Variants in NMT1 observed in about 807,000 individuals in gnomAD.
NMT1 encodes glycylpeptide N-tetradecanoyltransferase 1.
NMT1 carries 12 observed loss-of-function variants against 63.4 expected under a neutral mutation model. The observed-to-expected ratio is 0.19, with a 90% CI of 0.12 to 0.31. The LOEUF (loss-of-function observed/expected upper bound fraction) is 0.31, where lower values mean the gene tolerates loss of function less well. Ranked by LOEUF, NMT1 falls within the 10% of genes least tolerant of loss-of-function variation. The pLI is 1.00. For synonymous variants in NMT1, 228 were observed against 234.3 expected (o/e 0.97, Z 0.25); for missense variants, 432 against 634.6 (o/e 0.68, Z 3.43).
At chr17:45,098,304 G>A (rs2054139260) in intron 6 of NMT1, 78 bp from the exon 7 acceptor site, 5 of 1,389,692 alleles carry the variant, frequency 3.6e-6, no homozygotes, top group Middle Eastern at 3.7e-4. Context: ...CCTTCTAGGT[G>A]TGGCTGCACG....
chr17:45,080,537 C>T (rs1315886679), intron 1 of NMT1, among the ~76,000 whole-genome samples: 3 of 137,278 alleles, frequency 2.2e-5, no homozygotes, highest in Middle Eastern at 4.4e-3. Context: ...GGCATGATCT[C>T]GGCTCACTGC....
intron 3 of NMT1, among the ~76,000 whole-genome samples, chr17:45,092,253 G>A (rs1295239462): frequency 6.6e-6 from 1 of 152,004 alleles, no homozygotes; most frequent in Admixed American, 6.6e-5. Flanking sequence ...GTACACTAGG[G>A]GCTGGCATGG....
At position 45,104,727 on chromosome 17, in the gene NMT1, C is replaced by T. The variant is rs2143526094; in HGVS notation, c.1333-132C>T. 2.0e-6 allele frequency: 3 copies of T among 1,492,978 alleles called. No individual in the cohort carries two copies. The highest frequency in any genetic ancestry group is 4.7e-5 in the East Asian group (2 of 42,654). The allele number at this position is 1,492,978 out of a possible 1,614,324, so 92.5% of individuals were successfully genotyped here. A position where few individuals can be genotyped will look rare whatever the true frequency, so the allele number is the denominator to read the frequency against. ...CGGAGAGCGGGGATTAACGTGGAAG[C>T]AGCGGAGCTTCTGAGGGAACCTTGT... On this transcript the variant is annotated intron_variant, in intron 10 of 11. Coordinates refer to ENST00000258960, the MANE Select transcript of NMT1 (RefSeq NM_021079.5). The surrounding 1 kb of genome is among the most constrained non-coding windows in gnomAD (Gnocchi z 4.2).
chr17:45,098,639 C>T (rs2054141692), intron 7 of NMT1, 87 bp downstream of exon 7: 1 of 1,233,874 alleles, frequency 8.1e-7, no homozygotes, highest in Non-Finnish European at 1.2e-6. Context: ...CACAGCTCCG[C>T]CCTTAGCATC....
At chr17:45,081,213 G>A (rs2054015397) in intron 1 of NMT1, among the ~76,000 whole-genome samples, 1 of 152,328 alleles carries the variant, frequency 6.6e-6, no homozygotes, top group African/African-American at 2.4e-5. Context: ...ATACATTTGG[G>A]AGGTGGAGGA....
At chr17:45,090,464 T>A (rs2054080834) in intron 3 of NMT1, among the ~76,000 whole-genome samples, 1 of 152,144 alleles carries the variant, frequency 6.6e-6, no homozygotes, top group Non-Finnish European at 1.5e-5. Flanking sequence ...CTTTTCTGTC[T>A]TTGGTCAGTG....
intron 1 of NMT1, among the ~76,000 whole-genome samples, chr17:45,067,980 T>C (rs890224138): frequency 3.3e-5 from 5 of 152,212 alleles, no homozygotes; most frequent in African/African-American, 4.8e-5. Flanking sequence ...CCTTTCCCTA[T>C]AGAGCCCATA....
In NMT1 at chr17:45,094,839, G is replaced by A. The variant is rs575502381; in HGVS notation, c.504+1036G>A. On this transcript the variant is annotated intron_variant, in intron 4 of 11. Coordinates refer to ENST00000258960, the MANE Select transcript of NMT1 (RefSeq NM_021079.5). The stretch of plus-strand genomic sequence containing the variant: ...CTTTTTTTTTTTTTTTTGAGACAGA[G>A]TCTGGTTCTGTTGCCCAGGCTGGAG... Among the ~76,000 whole-genome samples, 507 of 129,902 alleles carry A rather than the reference G, an allele frequency of 3.9e-3. 1 individual carries two copies. Among genetic ancestry groups the A allele is most frequent in the Admixed American group, 8.4e-3 (98 of 11,734 alleles). The allele number at this position is 129,902 out of a possible 152,430, so 85.2% of individuals were successfully genotyped here.
chr17:45,097,108 C>T lies in NMT1; in HGVS notation c.597-20C>T, dbSNP rs1225945070. ...AGCCTGCCGGCAAGCAGCACAACCA[C>T]CCCAGCCTCTCTTTTCCAGGGCTCT... is the stretch of plus-strand genomic sequence containing the variant. On this transcript the variant is annotated intron_variant, in intron 5 of 11. Coordinates refer to ENST00000258960, the MANE Select transcript of NMT1 (RefSeq NM_021079.5). 57 of 1,606,970 alleles carry T rather than the reference C, an allele frequency of 3.5e-5. 1 individual carries two copies. The highest frequency in any genetic ancestry group is 4.9e-5 in the Non-Finnish European group (57 of 1,173,718).
In NMT1 at chr17:45,105,524, G is replaced by A. The variant is rs114083271; in HGVS notation, c.1471-95G>A. The A allele has an allele frequency of 6.9e-3, 9,782 of 1,412,266 alleles. 526 individuals are homozygous for A. The African/African-American group carries it at 0.12, about 17-fold the overall frequency. The allele number at this position is 1,412,266 out of a possible 1,614,324, so 87.5% of individuals were successfully genotyped here. A position where few individuals can be genotyped will look rare whatever the true frequency, so the allele number is the denominator to read the frequency against. On this transcript the variant is annotated intron_variant, in intron 11 of 11. Coordinates refer to ENST00000258960, the MANE Select transcript of NMT1 (RefSeq NM_021079.5). The surrounding 1 kb of genome is among the most constrained non-coding windows in gnomAD (Gnocchi z 4.2). ...CTCCCACAGCACAGGCGGTGGACCC[G>A]GGCCCAGCCACTCGGAACTTCAGGG...
In NMT1 at chr17:45,105,727, C is replaced by CGTGT; in HGVS notation, c.*91_*92insTGTG. ...CCACTGTTGGTCCAATTTTCACACA[C>CGTGT]GTGAGAATCCCTGGCAAAGGGAGCA... is the stretch of plus-strand genomic sequence containing the variant. On this transcript the variant is annotated 3_prime_UTR_variant, in exon 12 of 12. Coordinates refer to ENST00000258960, the MANE Select transcript of NMT1 (RefSeq NM_021079.5). This position sits in a 1 kb window ranked among gnomAD's most constrained non-coding sequence, Gnocchi z 4.2. The CGTGT allele has an allele frequency of 1.5e-6, 2 of 1,335,680 alleles. No homozygotes were observed. The highest frequency in any genetic ancestry group is 2.1e-6 in the Non-Finnish European group (2 of 938,408). 82.7% of individuals were successfully genotyped at this position (1,335,680 alleles called of 1,614,324 possible).
intron 3 of NMT1, 56 bp downstream of exon 3, chr17:45,086,708 G>C: frequency 2.0e-6 from 3 of 1,531,544 alleles, no homozygotes; most frequent in Non-Finnish European, 2.6e-6. Flanking sequence ...TGCCTCAGCT[G>C]TGCCTTCATG....
At chr17:45,085,382 G>T (rs2054045392) in intron 2 of NMT1, among the ~76,000 whole-genome samples, 1 of 152,200 alleles carries the variant, frequency 6.6e-6, no homozygotes, top group African/African-American at 2.4e-5. Flanking sequence ...GAATGGGTAG[G>T]TCCAGGTGTT....
intron 1 of NMT1, among the ~76,000 whole-genome samples, chr17:45,072,109 A>AG (rs1480443176): frequency 6.6e-6 from 1 of 152,042 alleles, no homozygotes; most frequent in African/African-American, 2.4e-5. Context: ...AAAATTAGCC[A>AG]GGTATGGTGG....
In NMT1 at chr17:45,103,210, G is replaced by C; in HGVS notation, c.1164+89G>C. The C allele has an allele frequency of 3.1e-6, 4 of 1,299,784 alleles. No homozygotes were observed. Among genetic ancestry groups the C allele is most frequent in the Non-Finnish European group, 4.3e-6 (4 of 922,582 alleles). The allele number at this position is 1,299,784 out of a possible 1,614,324, so 80.5% of individuals were successfully genotyped here. On this transcript the variant is annotated intron_variant, in intron 9 of 11. Coordinates refer to ENST00000258960, the MANE Select transcript of NMT1 (RefSeq NM_021079.5). This position sits in a 1 kb window ranked among gnomAD's most constrained non-coding sequence, Gnocchi z 4.8. The stretch of plus-strand genomic sequence containing the variant: ...CCGGGTTCCCAGGGCTCGAGTGTTG[G>C]CACCTTAGACTTCCTTGACCATCCG...
chr17:45,063,030 C>T (rs1320732832), intron 1 of NMT1, among the ~76,000 whole-genome samples: 1 of 151,582 alleles, frequency 6.6e-6, no homozygotes, highest in Non-Finnish European at 1.5e-5. Flanking sequence ...CTGTGAAATC[C>T]CATCTCTACT....
In NMT1 at chr17:45,081,680, G is replaced by A; in HGVS notation, c.168G>A (p.Lys56=). The A allele has an allele frequency of 3.7e-6, 6 of 1,613,666 alleles. No individual in the cohort carries two copies. The highest frequency in any genetic ancestry group is 5.1e-6 in the Non-Finnish European group (6 of 1,179,776). The stretch of plus-strand genomic sequence containing the variant: ...CAGCCAATGACACTGGAGCCAAAAA[G>A]AAGAAAAAGAAACAAAAAAAGAAGA... The part of the protein sequence containing the change: ...LSPANDTGAK[K]KKKKQKKKKE... The change falls in exon 2 of 12, where the codon AAG becomes AAA. Residue 56 remains lysine (K), a synonymous_variant. Coordinates refer to ENST00000258960, the MANE Select transcript of NMT1 (RefSeq NM_021079.5).
Position 45,107,602 on chromosome 17 carries a change from C to G in NMT1, c.*1963C>G, listed in dbSNP as rs768824847. On this transcript the variant is annotated 3_prime_UTR_variant, in exon 12 of 12. Coordinates refer to ENST00000258960, the MANE Select transcript of NMT1 (RefSeq NM_021079.5). ...CCCAGAGTGGCTCACCCTGTCCAGA[C>G]CTTTGAGGATATCAAAGGACAAAGT... 6.6e-6 allele frequency: 1 copy of G among 152,580 alleles called. No individual in the cohort carries two copies. Among genetic ancestry groups the G allele is most frequent in the Admixed American group, 6.5e-5 (1 of 15,286 alleles). 9.5% of individuals were successfully genotyped at this position (152,580 alleles called of 1,614,324 possible).
Position 45,103,589 on chromosome 17 carries a change from T to A in NMT1, c.1165-120T>A, listed in dbSNP as rs1323242146. 2 of 1,018,418 alleles carry A rather than the reference T, an allele frequency of 2.0e-6. No homozygotes were observed. The highest frequency in any genetic ancestry group is 2.9e-6 in the Non-Finnish European group (2 of 688,046). The allele number at this position is 1,018,418 out of a possible 1,614,324, so 63.1% of individuals were successfully genotyped here. On this transcript the variant is annotated intron_variant, in intron 9 of 11. Transcript: ENST00000258960. This position sits in a 1 kb window ranked among gnomAD's most constrained non-coding sequence, Gnocchi z 4.8. ...CCTCCCCACATGTCCTGTTGCAGTT[T>A]CCAGCCATTTATCTAGAGGGGCAGA...
Sources: gnomAD v4.1 joint callset for allele counts (sites outside exome capture counted in the v4.1 genomes callset) on GRCh38, gnomAD v4.1.1 for gene constraint, Gnocchi (gnomAD v3.1) non-coding constraint, MANE v1.5 for transcripts, NCBI Gene and HGNC (gene_info 2026-07-23, HGNC 2026-07-21) for gene names.